Variants in APBA1 observed in about 807,000 individuals in gnomAD.
APBA1 encodes the protein amyloid beta precursor protein binding family A member 1.
A neutral mutation model predicts 86.6 loss-of-function variants in APBA1; 55 were observed. The ratio of observed to expected loss-of-function variants is 0.64; its 90% CI spans 0.51 to 0.80. The LOEUF (loss-of-function observed/expected upper bound fraction) is 0.80, where lower values mean the gene tolerates loss of function less well. APBA1 is among the 30% of genes least tolerant of loss of function. The pLI, the probability that APBA1 is intolerant of heterozygous loss-of-function variation, is 0.00. For synonymous variants in APBA1, 511 were observed against 493.9 expected (o/e 1.03, Z -0.46); for missense variants, 1,090 against 1,183.0 (o/e 0.92, Z 1.15).
At chr9:69,610,077 G>A (rs1822555180) in intron 1 of APBA1, among the ~76,000 whole-genome samples, 1 of 152,166 alleles carries the variant, frequency 6.6e-6, no homozygotes, top group Non-Finnish European at 1.5e-5. Context: ...CAGCACTTTG[G>A]GAGGCCAAAG....
At chr9:69,534,362 A>C (rs1481369790) in intron 1 of APBA1, among the ~76,000 whole-genome samples, 1 of 152,198 alleles carries the variant, frequency 6.6e-6, no homozygotes, top group African/African-American at 2.4e-5. Context: ...CAAAGACATA[A>C]AAGTGGAAGT....
intron 2 of APBA1, among the ~76,000 whole-genome samples, chr9:69,482,802 T>G (rs891730933): frequency 2.4e-4 from 37 of 151,696 alleles, no homozygotes; most frequent in Non-Finnish European, 4.6e-4. Flanking sequence ...CCATAAAAAA[T>G]GATGAGTTCA....
intron 1 of APBA1, among the ~76,000 whole-genome samples, chr9:69,564,624 C>T (rs1366862756): frequency 6.6e-6 from 1 of 152,278 alleles, no homozygotes; most frequent in African/African-American, 2.4e-5. Flanking sequence ...AAGTAGGAGA[C>T]ATCACTTCAC....
At chr9:69,667,556 C>T (rs1823865585) in intron 1 of APBA1, among the ~76,000 whole-genome samples, 2 of 149,784 alleles carry the variant, frequency 1.3e-5, no homozygotes, top group Non-Finnish European at 3.0e-5. Flanking sequence ...CAAAAGAATC[C>T]TTCCTTTGCT....
At chr9:69,484,425 C>A (rs1835574389) in intron 2 of APBA1, among the ~76,000 whole-genome samples, 1 of 152,158 alleles carries the variant, frequency 6.6e-6, no homozygotes, top group Non-Finnish European at 1.5e-5. Context: ...TGGACCCACA[C>A]CAACCTCATC....
intron 1 of APBA1, among the ~76,000 whole-genome samples, chr9:69,523,208 A>G (rs769003007): frequency 2.0e-5 from 3 of 152,082 alleles, no homozygotes; most frequent in Admixed American, 6.6e-5. Flanking sequence ...GGGAGGCTGT[A>G]AATTACTTTA....
intron 1 of APBA1, among the ~76,000 whole-genome samples, chr9:69,567,118 T>C (rs143179278): frequency 8.7e-4 from 132 of 152,318 alleles, no homozygotes; most frequent in African/African-American, 3.1e-3. Context: ...GATTCTAGTA[T>C]AGCATTATAT....
intron 2 of APBA1, among the ~76,000 whole-genome samples, chr9:69,502,104 A>G (rs886851124): frequency 1.3e-5 from 2 of 152,166 alleles, no homozygotes; most frequent in African/African-American, 4.8e-5. Context: ...GAGAGGGGTC[A>G]GGCAAAGTGA....
chr9:69,633,570 G>A (rs1823094334), intron 1 of APBA1, among the ~76,000 whole-genome samples: 1 of 152,144 alleles, frequency 6.6e-6, no homozygotes, highest in Non-Finnish European at 1.5e-5. Flanking sequence ...TCAGGTAAAT[G>A]TTATTTCCTC....
chr9:69,672,782 G>T (rs1823983707), upstream of APBA1: 1 of 152,374 alleles, frequency 6.6e-6, no homozygotes, highest in Non-Finnish European at 1.5e-5. Flanking sequence ...GGGGACTGAC[G>T]GGGGCCTCCA....
intron 2 of APBA1, among the ~76,000 whole-genome samples, chr9:69,502,113 G>C (rs955979561): frequency 6.6e-6 from 1 of 152,018 alleles, no homozygotes; most frequent in African/African-American, 2.4e-5. Context: ...CAGGCAAAGT[G>C]AAAAAAATTG....
intron 1 of APBA1, among the ~76,000 whole-genome samples, chr9:69,554,332 T>C (rs998006437): frequency 3.3e-5 from 5 of 152,194 alleles, no homozygotes; most frequent in African/African-American, 1.2e-4. Flanking sequence ...ATGTACTTAG[T>C]AAGTAACAGA....
At chr9:69,602,603 A>G (rs1451785096) in intron 1 of APBA1, among the ~76,000 whole-genome samples, 1 of 151,950 alleles carries the variant, frequency 6.6e-6, no homozygotes, top group East Asian at 1.9e-4. Context: ...AAGAAAAAAG[A>G]AATCACAGAC....
At chr9:69,664,663 G>T (rs1823811641) in intron 1 of APBA1, among the ~76,000 whole-genome samples, 1 of 152,188 alleles carries the variant, frequency 6.6e-6, no homozygotes, top group Admixed American at 6.5e-5. Flanking sequence ...AACATAAGTA[G>T]ATACTTCACT....
chr9:69,534,967 A>G (rs188893399), intron 1 of APBA1, among the ~76,000 whole-genome samples: 8 of 152,172 alleles, frequency 5.3e-5, no homozygotes, highest in Admixed American at 2.0e-4. Context: ...TAGTATATTG[A>G]CTTCTTTTTC....
chr9:69,623,771 C>T (rs1432358730), intron 1 of APBA1, among the ~76,000 whole-genome samples: 1 of 152,212 alleles, frequency 6.6e-6, no homozygotes, highest in Admixed American at 6.5e-5. Context: ...TTGACCCCAA[C>T]ACTGGAGAAC....
At chr9:69,594,750 C>T (rs149238844) in intron 1 of APBA1, among the ~76,000 whole-genome samples, 2 of 152,242 alleles carry the variant, frequency 1.3e-5, no homozygotes, top group African/African-American at 2.4e-5. Flanking sequence ...TTCCATCCAA[C>T]ATTTGTAGTT....
At chr9:69,647,706 C>A (rs985178758) in intron 1 of APBA1, among the ~76,000 whole-genome samples, 9 of 152,124 alleles carry the variant, frequency 5.9e-5, no homozygotes, top group Non-Finnish European at 2.9e-5. Context: ...CCTTAGTGCG[C>A]CAGAATGTAT....
intron 1 of APBA1, among the ~76,000 whole-genome samples, chr9:69,549,019 C>A (rs1836742447): frequency 6.6e-6 from 1 of 152,192 alleles, no homozygotes. Context: ...GGCTAGTCTT[C>A]ATGATGGGCA....
Sources: gnomAD v4.1 joint callset for allele counts (sites outside exome capture counted in the v4.1 genomes callset) on GRCh38, gnomAD v4.1.1 for gene constraint, MANE v1.5 for transcripts, NCBI Gene and HGNC (gene_info 2026-07-23, HGNC 2026-07-21) for gene names.